Variants in ENTPD7 observed in about 807,000 individuals in gnomAD.
ENTPD7 encodes NTPDase 7.
ENTPD7 carries 53 observed loss-of-function variants against 77.9 expected under a neutral mutation model. That is an observed-to-expected ratio of 0.68 (90% CI 0.55 to 0.85). The LOEUF is 0.85. Ranked by LOEUF, ENTPD7 falls within the 40% of genes least tolerant of loss-of-function variation. The pLI is 0.00. For missense variants in ENTPD7, 636 were observed against 743.7 expected, an observed-to-expected ratio of 0.86 and a Z score of 1.68; for synonymous variants, 248 against 274.9, an observed-to-expected ratio of 0.90 and a Z score of 0.97.
At chr10:99,679,982 A>G (rs2035733157) in intron 5 of ENTPD7, 107 bp downstream of exon 5, 5 of 1,289,126 alleles carry the variant, frequency 3.9e-6, no homozygotes, top group African/African-American at 3.0e-5. Context: ...CCTAAACCCA[A>G]TTATGACACA....
At chr10:99,696,160 T>C (rs2035972202) in intron 9 of ENTPD7, 38 bp downstream of exon 9, 1 of 1,605,350 alleles carries the variant, frequency 6.2e-7, no homozygotes, top group Non-Finnish European at 8.5e-7. Context: ...TGAAATATAA[T>C]GTCAGGCTGC....
chr10:99,659,998 A>T lies in ENTPD7; in HGVS notation c.8+34A>T. The T allele has an allele frequency of 6.2e-7, 1 of 1,613,754 alleles. No individual in the cohort carries two copies. The highest frequency in any genetic ancestry group is 8.5e-7 in the Non-Finnish European group (1 of 1,179,908). ...GCACACTTTCCCTCCGGCTGGGAGC[A>T]CGGCAGAGGATGGCAGGCAGGTTGG... is the stretch of plus-strand genomic sequence containing the variant. On this transcript the variant is annotated intron_variant, in intron 2 of 12. Coordinates refer to ENST00000370489, the MANE Select transcript of ENTPD7 (RefSeq NM_020354.5). The surrounding 1 kb of genome is among the most constrained non-coding windows in gnomAD (Gnocchi z 4.1).
At chr10:99,682,778 CAA>C (rs2035768937) in intron 5 of ENTPD7, among the ~76,000 whole-genome samples, 2 of 152,126 alleles carry the variant, frequency 1.3e-5, no homozygotes, top group East Asian at 1.9e-4. Flanking sequence ...ATAGATGACA[CAA>C]GAGCAGGTGC....
chr10:99,676,263 TA>T (rs1481445632), intron 3 of ENTPD7, among the ~76,000 whole-genome samples: 2 of 152,056 alleles, frequency 1.3e-5, no homozygotes, highest in Non-Finnish European at 2.9e-5. Flanking sequence ...TTATTTTATT[TA>T]AATGAAATAC....
rs1564631623 is a variant in ENTPD7, at chr10:99,685,869, CA to C, written c.627del (p.Glu210LysfsTer2). On this transcript the variant is annotated frameshift_variant, in exon 6 of 13. Coordinates refer to ENST00000370489, the MANE Select transcript of ENTPD7 (RefSeq NM_020354.5). LOFTEE classifies it high-confidence loss of function. ...EFDFLFSQSQ[A>X]EVISGKQEGV... ...GACTTCCTCTTTTCACAGTCTCAAG[CA>C]GAAGTGATCTCTGGGAAGCAGGAAG... The C allele has an allele frequency of 2.5e-6, 4 of 1,613,718 alleles. No individual in the cohort carries two copies. Among genetic ancestry groups the C allele is most frequent in the Non-Finnish European group, 3.4e-6 (4 of 1,179,796 alleles).
chr10:99,682,269 A>G (rs2035763669), intron 5 of ENTPD7, among the ~76,000 whole-genome samples: 1 of 152,042 alleles, frequency 6.6e-6, no homozygotes, highest in Non-Finnish European at 1.5e-5. Flanking sequence ...AGCAAACAAC[A>G]AAAACCTCAG....
rs1186454124 is a variant in ENTPD7, at chr10:99,698,666, T to C, written c.1143T>C (p.Ser381=). The part of the protein sequence containing the change: ...LHVRGRGDWV[S]CGAMLSPLLA... Reference sequence around the variant, plus strand: ...TCCGAGGAAGAGGAGACTGGGTGTCTTGTGGGGCAATGCTGAGCCCCCTGC... The same window carrying C: ...TCCGAGGAAGAGGAGACTGGGTGTCCTGTGGGGCAATGCTGAGCCCCCTGC... The change falls in exon 10 of 13, where the codon TCT becomes TCC. Residue 381 remains serine, a synonymous_variant. Transcript: ENST00000370489. 3.1e-6 allele frequency: 5 copies of C among 1,614,076 alleles called. No homozygotes were observed. Among genetic ancestry groups the C allele is most frequent in the African/African-American group, 1.3e-5 (1 of 74,922 alleles).
In ENTPD7 at chr10:99,697,491, G is replaced by A. The variant is rs545489453; in HGVS notation, c.1011-1043G>A. 3.7e-5 allele frequency: 6 copies of A among 162,290 alleles called. No homozygotes were observed. The South Asian group carries it at 1.1e-3, about 30-fold the overall frequency. The allele number at this position is 162,290 out of a possible 1,614,324, so 10.1% of individuals were successfully genotyped here. A position where few individuals can be genotyped will look rare whatever the true frequency, so the allele number is the denominator to read the frequency against. On this transcript the variant is annotated intron_variant, in intron 9 of 12. Transcript: ENST00000370489. ...GCCAGACTGCATCTTCTTCCCATGC[G>A]TTGGTATTTTCTTGCCAAGTAGCTA...
rs1472802769 is a variant in ENTPD7, at chr10:99,710,134, C to T, written c.*5451C>T. On this transcript the variant is annotated 3_prime_UTR_variant, in exon 13 of 13. Coordinates refer to ENST00000370489, the MANE Select transcript of ENTPD7 (RefSeq NM_020354.5). ...AACCACTTGTATACCCTCTGGTGGC[C>T]ACTCCTCCTTCTCCACTCCAAGGCA... 1.0e-6 allele frequency: 1 copy of T among 985,258 alleles called. No individual in the cohort carries two copies. Among genetic ancestry groups the T allele is most frequent in the Non-Finnish European group, 1.2e-6 (1 of 829,932 alleles). The allele number at this position is 985,258 out of a possible 1,614,324, so 61.0% of individuals were successfully genotyped here.
Position 99,709,590 on chromosome 10 carries a change from T to G in ENTPD7, c.*4907T>G. On this transcript the variant is annotated 3_prime_UTR_variant, in exon 13 of 13. Transcript: ENST00000370489. ...TAGCAACAGTGAATATACCTCAAAT[T>G]GAAAACTTTTAGGTTGTGTTCTTGG... 1 of 985,246 alleles carries G rather than the reference T, an allele frequency of 1.0e-6. No homozygotes were observed. The highest frequency in any genetic ancestry group is 4.7e-5 in the South Asian group (1 of 21,276). The allele number at this position is 985,246 out of a possible 1,614,324, so 61.0% of individuals were successfully genotyped here.
At chr10:99,692,764 A>G (rs2035904085) in intron 8 of ENTPD7, among the ~76,000 whole-genome samples, 1 of 152,196 alleles carries the variant, frequency 6.6e-6, no homozygotes, top group African/African-American at 2.4e-5. Context: ...TTATTTCCAT[A>G]GATAGTGGAA....
At chr10:99,677,693 T>C (rs1480207003) in intron 3 of ENTPD7, among the ~76,000 whole-genome samples, 1 of 152,182 alleles carries the variant, frequency 6.6e-6, no homozygotes, top group East Asian at 1.9e-4. Context: ...TAATCAACTC[T>C]TAGTCTTCTT....
At chr10:99,670,547 C>A (rs1051740815) in intron 3 of ENTPD7, among the ~76,000 whole-genome samples, 1 of 152,090 alleles carries the variant, frequency 6.6e-6, no homozygotes, top group Non-Finnish European at 1.5e-5. Flanking sequence ...CTTACACAAA[C>A]CTAGATGGTA....
At position 99,708,977 on chromosome 10, in the gene ENTPD7, C is replaced by T; in HGVS notation, c.*4294C>T. 1 of 985,426 alleles carries T rather than the reference C, an allele frequency of 1.0e-6. No individual in the cohort carries two copies. Among genetic ancestry groups the T allele is most frequent in the Non-Finnish European group, 1.2e-6 (1 of 829,916 alleles). 61.0% of individuals were successfully genotyped at this position (985,426 alleles called of 1,614,324 possible). ...CATTCATTTATGACTGCTTTGCTCA[C>T]ATTTAGGAATAAACTTTGAAAAAAA... On this transcript the variant is annotated 3_prime_UTR_variant, in exon 13 of 13. Transcript: ENST00000370489.
intron 3 of ENTPD7, among the ~76,000 whole-genome samples, chr10:99,661,926 T>G (rs1312343109): frequency 1.3e-5 from 2 of 152,260 alleles, no homozygotes; most frequent in African/African-American, 2.4e-5. Flanking sequence ...TTATCATTAT[T>G]AAATGATTTT....
At chr10:99,687,267 T>C (rs200871829) in intron 6 of ENTPD7, among the ~76,000 whole-genome samples, 3 of 98,438 alleles carry the variant, frequency 3.0e-5, no homozygotes, top group Non-Finnish European at 6.2e-5. Flanking sequence ...TTCTTTTTTT[T>C]TTTTTTTTTT....
intron 12 of ENTPD7, among the ~76,000 whole-genome samples, chr10:99,703,782 C>T (rs533412502): frequency 2.0e-4 from 30 of 152,176 alleles, no homozygotes; most frequent in South Asian, 4.2e-4. Flanking sequence ...GTGGCAGTGC[C>T]GTGTTCATAG....
intron 3 of ENTPD7, among the ~76,000 whole-genome samples, chr10:99,672,393 C>T (rs139354249): frequency 6.6e-5 from 10 of 151,310 alleles, no homozygotes; most frequent in Admixed American, 4.0e-4. Flanking sequence ...GCAGCCTCAA[C>T]CTCCCAGGCT....
At chr10:99,686,194 T>C (rs961213349) in intron 6 of ENTPD7, among the ~76,000 whole-genome samples, 1 of 152,198 alleles carries the variant, frequency 6.6e-6, no homozygotes, top group South Asian at 2.1e-4. Context: ...CTAACTGTAC[T>C]TTTGAAAACA....
Sources: allele counts gnomAD v4.1 joint callset (sites outside exome capture counted in the v4.1 genomes callset), GRCh38; gene constraint gnomAD v4.1.1; non-coding constraint Gnocchi (gnomAD v3.1); transcripts MANE v1.5; gene names NCBI Gene and HGNC (gene_info 2026-07-23, HGNC 2026-07-21).